The following ABCG8 variants were observed in gnomAD, a reference collection of about 807,000 sequenced individuals.
ABCG8 encodes the protein ATP-binding cassette sub-family G member 8.
ABCG8 carries 81 observed loss-of-function variants against 71.3 expected under a neutral mutation model. The ratio of observed to expected loss-of-function variants is 1.14; its 90% CI spans 0.95 to 1.37. The LOEUF (loss-of-function observed/expected upper bound fraction) is 1.37, where lower values mean the gene tolerates loss of function less well. ABCG8 is among the 40% of genes most tolerant of loss of function. The pLI is 0.00. For synonymous variants in ABCG8, 451 were observed against 354.7 expected (o/e 1.27, Z -3.05); for missense variants, 1,119 against 866.2 (o/e 1.29, Z -3.66).
Position 43,852,807 on chromosome 2 carries a change from C to A in ABCG8, c.903C>A (p.Val301=), listed in dbSNP as rs1442277428. The stretch of plus-strand genomic sequence containing the variant: ...ACTTAGGGGCGGCCCAGCACATGGT[C>A]CAGTATTTCACAGCCATCGGCTACC... ...PIYLGAAQHM[V]QYFTAIGYPC... is the part of the protein sequence containing the mutation. Residue 301 remains valine, a synonymous_variant, in exon 6 of 13, where the codon GTC becomes GTA. Coordinates refer to ENST00000272286, the MANE Select transcript of ABCG8 (RefSeq NM_022437.3). The A allele has an allele frequency of 6.2e-7, 1 of 1,614,026 alleles. No individual in the cohort carries two copies. Among genetic ancestry groups the A allele is most frequent in the African/African-American group, 1.3e-5 (1 of 74,900 alleles).
Position 43,878,918 on chromosome 2 carries a change from C to T in ABCG8, c.*1005C>T, listed in dbSNP as rs2954801. On this transcript the variant is annotated 3_prime_UTR_variant, in exon 13 of 13. Coordinates refer to ENST00000272286, the MANE Select transcript of ABCG8 (RefSeq NM_022437.3). ...GTGAGTGAGTTCTGATGAGATCCGA[C>T]GGTTTTATAAGGGGCTTCCCTCTTC... 89,820 of 152,076 alleles carry T rather than the reference C, an allele frequency of 0.59. 27,701 individuals are homozygous for T. The highest frequency in any genetic ancestry group is 0.77 in the African/African-American group (32,112 of 41,476). 9.4% of individuals were successfully genotyped at this position (152,076 alleles called of 1,614,324 possible).
At chr2:43,852,207 T>A (rs756333956) in intron 4 of ABCG8, 147 bp from the exon 5 acceptor site, 168 of 1,119,256 alleles carry the variant, frequency 1.5e-4, no homozygotes, top group Non-Finnish European at 1.9e-4. Flanking sequence ...GGAACCAATG[T>A]TGCAGCTTGG....
In ABCG8 at chr2:43,878,767, T is replaced by G. The variant is rs1248090514; in HGVS notation, c.*854T>G. 2 of 152,352 alleles carry G rather than the reference T, an allele frequency of 1.3e-5. No individual in the cohort carries two copies. The highest frequency in any genetic ancestry group is 2.9e-5 in the Non-Finnish European group (2 of 68,148). The allele number at this position is 152,352 out of a possible 1,614,324, so 9.4% of individuals were successfully genotyped here. A position where few individuals can be genotyped will look rare whatever the true frequency, so the allele number is the denominator to read the frequency against. On this transcript the variant is annotated 3_prime_UTR_variant, in exon 13 of 13. Transcript: ENST00000272286. ...TAGAGTTGCATTTCACTAACTGATA[T>G]GGTTTGGCTCTGCGTCCTCACCCAA...
At chr2:43,841,197 C>T (rs921321965) in intron 1 of ABCG8, among the ~76,000 whole-genome samples, 1 of 152,232 alleles carries the variant, frequency 6.6e-6, no homozygotes, top group Non-Finnish European at 1.5e-5. Context: ...GGGGCATAGG[C>T]TCCTCATCTC....
rs770402069 is a variant in ABCG8, at chr2:43,875,299, G to A, written c.1642G>A (p.Ala548Thr). The A allele has an allele frequency of 6.2e-7, 1 of 1,614,122 alleles. No homozygotes were observed. The highest frequency in any genetic ancestry group is 8.5e-7 in the Non-Finnish European group (1 of 1,180,026). The change falls in exon 11 of 13, where the codon GCC becomes ACC. Residue 548 changes from alanine to threonine, a missense_variant. Coordinates refer to ENST00000272286, the MANE Select transcript of ABCG8 (RefSeq NM_022437.3). Reference protein sequence around the residue: ...VVFCCRIMALAAAALLPTFHM... With the variant: ...VVFCCRIMALTAAALLPTFHM... ...CTTCTGTTGCAGGATTATGGCCCTG[G>A]CCGCCGCGGCCCTGCTCCCCACCTT...
chr2:43,849,881 A>G (rs906440267), intron 3 of ABCG8, among the ~76,000 whole-genome samples: 1 of 152,102 alleles, frequency 6.6e-6, no homozygotes, highest in East Asian at 1.9e-4. Flanking sequence ...TCATGTGAAG[A>G]AGCTTCTTGG....
chr2:43,861,516 CTCTA>C (rs1037089811), intron 6 of ABCG8, among the ~76,000 whole-genome samples: 7 of 150,390 alleles, frequency 4.7e-5, no homozygotes, highest in African/African-American at 9.8e-5. Context: ...CTGGATAAAA[CTCTA>C]TCTGTCTGGA....
intron 6 of ABCG8, among the ~76,000 whole-genome samples, chr2:43,855,828 A>T (rs1414795047): frequency 1.3e-5 from 2 of 152,112 alleles, no homozygotes; most frequent in Admixed American, 1.3e-4. Context: ...CTCTATGGAT[A>T]GAACTCTCAG....
At chr2:43,865,621 G>A (rs1456880925) in intron 6 of ABCG8, among the ~76,000 whole-genome samples, 1 of 148,136 alleles carries the variant, frequency 6.8e-6, no homozygotes, top group East Asian at 2.0e-4. Context: ...CTCACTATCT[G>A]GATAGAATTC....
At chr2:43,857,511 C>T (rs1572842580) in intron 6 of ABCG8, among the ~76,000 whole-genome samples, 1 of 151,478 alleles carries the variant, frequency 6.6e-6, no homozygotes, top group South Asian at 2.1e-4. Context: ...GGAAAGAACC[C>T]TCACTATCTA....
At chr2:43,839,397 TC>T in intron 1 of ABCG8, among the ~76,000 whole-genome samples, 1 of 143,092 alleles carries the variant, frequency 7.0e-6, no homozygotes, top group Non-Finnish European at 1.5e-5. Context: ...TTTTTTCTTT[TC>T]TTCTCTTTTT....
rs1253408784 is a variant in ABCG8, at chr2:43,880,793, C to T, written c.*2880C>T. 6 of 152,384 alleles carry T rather than the reference C, an allele frequency of 3.9e-5. No homozygotes were observed. In the South Asian group the frequency reaches 1.2e-3, roughly 32 times the overall value. 9.4% of individuals were successfully genotyped at this position (152,384 alleles called of 1,614,324 possible). A position where few individuals can be genotyped will look rare whatever the true frequency, so the allele number is the denominator to read the frequency against. On this transcript the variant is annotated 3_prime_UTR_variant, in exon 13 of 13. Transcript: ENST00000272286. ...TTCCCTCTTCTCTAATTGTGAGAAA[C>T]CTGGCTTCCATTACCCTTAGGTTAT... is the stretch of plus-strand genomic sequence containing the variant.
At chr2:43,876,240 G>A (rs568565905) in intron 11 of ABCG8, among the ~76,000 whole-genome samples, 4 of 152,206 alleles carry the variant, frequency 2.6e-5, no homozygotes, top group East Asian at 1.9e-4. Flanking sequence ...CAGCTCCCTC[G>A]GCCCCAGTCC....
At chr2:43,877,729 C>T (rs749444277) in intron 12 of ABCG8, 41 bp downstream of exon 12, 8 of 1,613,944 alleles carry the variant, frequency 5.0e-6, no homozygotes, top group African/African-American at 1.3e-5. Context: ...ATTGGACGTC[C>T]GGCTTTCCAT....
Position 43,881,246 on chromosome 2 carries a change from T to C in ABCG8, c.*3333T>C, listed in dbSNP as rs1260997921. 2.0e-5 allele frequency: 3 copies of C among 152,236 alleles called. No homozygotes were observed. Among genetic ancestry groups the C allele is most frequent in the Non-Finnish European group, 4.4e-5 (3 of 68,076 alleles). The allele number at this position is 152,236 out of a possible 1,614,324, so 9.4% of individuals were successfully genotyped here. A position where few individuals can be genotyped will look rare whatever the true frequency, so the allele number is the denominator to read the frequency against. ...AAAGGCAGGAGGGATGGAGAAAATA[T>C]AGCAGCTGCCATTTATTTGTGTTTT... On this transcript the variant is annotated 3_prime_UTR_variant, in exon 13 of 13. Coordinates refer to ENST00000272286, the MANE Select transcript of ABCG8 (RefSeq NM_022437.3).
At chr2:43,843,938 A>AT (rs916958067) in intron 1 of ABCG8, among the ~76,000 whole-genome samples, 1 of 152,182 alleles carries the variant, frequency 6.6e-6, no homozygotes, top group Non-Finnish European at 1.5e-5. Flanking sequence ...TCAAAATCAG[A>AT]TATGAGGAGA....
At chr2:43,854,941 C>G (rs1266452967) in intron 6 of ABCG8, among the ~76,000 whole-genome samples, 3 of 152,208 alleles carry the variant, frequency 2.0e-5, no homozygotes, top group African/African-American at 4.8e-5. Context: ...ATTGGGTCTA[C>G]AGCCAAGTGT....
intron 1 of ABCG8, among the ~76,000 whole-genome samples, chr2:43,839,741 G>A (rs1034215244): frequency 1.3e-5 from 2 of 152,002 alleles, no homozygotes; most frequent in Non-Finnish European, 2.9e-5. Flanking sequence ...TTTTCCGAAT[G>A]AGACTCCATC....
At position 43,867,664 on chromosome 2, in the gene ABCG8, T is replaced by C. The variant is rs141233558; in HGVS notation, c.965-4312T>C. Among the ~76,000 whole-genome samples, 33 of 150,834 alleles carry C rather than the reference T, an allele frequency of 2.2e-4. No individual in the cohort carries two copies. The East Asian group carries it at 6.4e-3, about 29-fold the overall frequency. On this transcript the variant is annotated intron_variant, in intron 6 of 12. Transcript: ENST00000272286. The stretch of plus-strand genomic sequence containing the variant: ...CTGGATAGAATTCTCAGTCTCTGTA[T>C]AGAACTCTCACTATCTGTCTGGATA...
Sources: gnomAD v4.1 joint callset for allele counts (sites outside exome capture counted in the v4.1 genomes callset) on GRCh38, gnomAD v4.1.1 for gene constraint, MANE v1.5 for transcripts, NCBI Gene and HGNC (gene_info 2026-07-23, HGNC 2026-07-21) for gene names.